BRINP3: variants seen among roughly 807,000 people sequenced by gnomAD.
The protein encoded by BRINP3 is BMP/retinoic acid inducible neural specific 3.
In BRINP3, 19 loss-of-function variants were observed where a neutral mutation model predicts 71.0. The ratio of observed to expected loss-of-function variants is 0.27; its 90% CI spans 0.19 to 0.39. BRINP3 has a LOEUF of 0.39. BRINP3 is among the 10% of genes least tolerant of loss of function. BRINP3 has a pLI of 1.00. For missense variants in BRINP3, 959 were observed against 940.8 expected (o/e 1.02, Z -0.25); for synonymous variants, 380 against 337.7 (o/e 1.13, Z -1.37).
At chr1:190,176,804 T>A (rs1652547268) in intron 6 of BRINP3, among the ~76,000 whole-genome samples, 1 of 152,154 alleles carries the variant, frequency 6.6e-6, no homozygotes, top group Non-Finnish European at 1.5e-5. Context: ...TTTCTCATTC[T>A]TACTTTTGCT....
In BRINP3 at chr1:190,345,715, G is replaced by GAAAAAA. The variant is rs10664849; in HGVS notation, c.237-63971_237-63966dup. On this transcript the variant is annotated intron_variant, in intron 2 of 7. Coordinates refer to ENST00000367462, the MANE Select transcript of BRINP3 (RefSeq NM_199051.3). Reference sequence around the variant, plus strand: ...ACAACCAAATAGCCATTTACCTTCAGAAAAAAAAAAAAAAAAAGAACACTT... The same window carrying GAAAAAA: ...ACAACCAAATAGCCATTTACCTTCAGAAAAAAAAAAAAAAAAAAAAAAAGAACACTT... Among the ~76,000 whole-genome samples, 6 of 103,624 alleles carry GAAAAAA rather than the reference G, an allele frequency of 5.8e-5. No homozygotes were observed. In the East Asian group the frequency reaches 8.4e-4, roughly 14 times the overall value. The allele number at this position is 103,624 out of a possible 152,430, so 68.0% of individuals were successfully genotyped here.
intron 2 of BRINP3, among the ~76,000 whole-genome samples, chr1:190,448,555 T>A (rs1675391234): frequency 6.6e-6 from 1 of 151,674 alleles, no homozygotes; most frequent in African/African-American, 2.4e-5. Context: ...GTTATGTTTT[T>A]TTAATTTCTC....
intron 2 of BRINP3, among the ~76,000 whole-genome samples, chr1:190,425,053 G>T (rs1280059638): frequency 6.6e-6 from 1 of 151,422 alleles, no homozygotes; most frequent in African/African-American, 2.4e-5. Context: ...AACACAAAGA[G>T]AACTGACACT....
At position 190,258,916 on chromosome 1, in the gene BRINP3, A is replaced by C. The variant is rs924689444; in HGVS notation, c.618+5949T>G. ...CACTTGGGGTGGCCAAAGTTGGAGG[A>C]TCTCTTAAGCCCCTTAAGTTCTTGA... On this transcript the variant is annotated intron_variant, in intron 4 of 7. Coordinates refer to ENST00000367462, the MANE Select transcript of BRINP3 (RefSeq NM_199051.3). 1.1e-3 allele frequency among the ~76,000 whole-genome samples: 162 copies of C among 152,208 alleles called. 1 individual carries two copies. The highest frequency in any genetic ancestry group is 3.9e-3 in the African/African-American group (160 of 41,534).
At chr1:190,286,651 T>G (rs1663447484) in intron 2 of BRINP3, among the ~76,000 whole-genome samples, 1 of 152,188 alleles carries the variant, frequency 6.6e-6, no homozygotes, top group African/African-American at 2.4e-5. Context: ...TACATTACTT[T>G]TCACATTACT....
intron 2 of BRINP3, among the ~76,000 whole-genome samples, chr1:190,291,571 C>T (rs1241048678): frequency 6.6e-6 from 1 of 152,058 alleles, no homozygotes; most frequent in Non-Finnish European, 1.5e-5. Flanking sequence ...CATCACTAAT[C>T]ATCAGGGAAA....
At chr1:190,278,647 T>G (rs901332093) in intron 3 of BRINP3, among the ~76,000 whole-genome samples, 1 of 151,534 alleles carries the variant, frequency 6.6e-6, no homozygotes, top group African/African-American at 2.4e-5. Flanking sequence ...GAAAAATAAT[T>G]CCAGCACAAA....
In BRINP3 at chr1:190,281,757, A is replaced by C. The variant is rs1282873033; in HGVS notation, c.237-7T>G. 6.2e-7 allele frequency: 1 copy of C among 1,600,830 alleles called. No homozygotes were observed. Among genetic ancestry groups the C allele is most frequent in the South Asian group, 1.1e-5 (1 of 89,260 alleles). On this transcript the variant is annotated splice_region_variant and splice_polypyrimidine_tract_variant and intron_variant, in intron 2 of 7. Transcript: ENST00000367462. Reference sequence around the variant, plus strand: ...TTTCCAGCGGCCAAACTCCCTGAAAAGCAAATTTATTTTTATTCATAAATG... The same window carrying C: ...TTTCCAGCGGCCAAACTCCCTGAAACGCAAATTTATTTTTATTCATAAATG...
chr1:190,301,403 TA>T (rs1278121666), intron 2 of BRINP3, among the ~76,000 whole-genome samples: 2 of 150,756 alleles, frequency 1.3e-5, no homozygotes, highest in African/African-American at 4.9e-5. Context: ...AATAGTGTTA[TA>T]TTTTCACTTC....
rs906657901 is a variant in BRINP3 at position 190,238,047 on chromosome 1, A to G, written c.619-3570T>C. Among the ~76,000 whole-genome samples, 19 of 152,166 alleles carry G rather than the reference A, an allele frequency of 1.2e-4. 1 individual carries two copies. In the East Asian group the frequency reaches 3.5e-3, roughly 28 times the overall value. ...AGGTGGGGGAGTAGTGAAATTTGTT[A>G]CTGATACCTGCATCTTGACAAACTG... On this transcript the variant is annotated intron_variant, in intron 4 of 7. Coordinates refer to ENST00000367462, the MANE Select transcript of BRINP3 (RefSeq NM_199051.3).
chr1:190,172,933 A>C (rs1483280484), intron 6 of BRINP3, among the ~76,000 whole-genome samples: 1 of 152,106 alleles, frequency 6.6e-6, no homozygotes, highest in Non-Finnish European at 1.5e-5. Context: ...AACCTCTCGG[A>C]CCTGTCTGCA....
intron 3 of BRINP3, among the ~76,000 whole-genome samples, chr1:190,266,332 C>A (rs1468646778): frequency 6.6e-6 from 1 of 152,108 alleles, no homozygotes; most frequent in Non-Finnish European, 1.5e-5. Context: ...TAAGTAAGAG[C>A]TCTTACATGT....
chr1:190,435,890 C>T (rs1674423651), intron 2 of BRINP3, among the ~76,000 whole-genome samples: 1 of 151,952 alleles, frequency 6.6e-6, no homozygotes, highest in African/African-American at 2.4e-5. Context: ...ATGGAGGCTG[C>T]ACTTCCCATA....
chr1:190,460,086 C>T (rs529697554), intron 1 of BRINP3, among the ~76,000 whole-genome samples: 1 of 151,828 alleles, frequency 6.6e-6, no homozygotes, highest in Non-Finnish European at 1.5e-5. Flanking sequence ...AAAATAGTTT[C>T]TTAACATTAA....
chr1:190,153,943 C>T (rs1303909277), intron 7 of BRINP3: 1 of 344,088 alleles, frequency 2.9e-6, no homozygotes, highest in Non-Finnish European at 4.1e-6. Flanking sequence ...TAATATAACT[C>T]AAATAACAGT....
At chr1:190,409,501 T>C (rs1448009531) in intron 2 of BRINP3, among the ~76,000 whole-genome samples, 6 of 152,140 alleles carry the variant, frequency 3.9e-5, no homozygotes, top group African/African-American at 1.4e-4. Context: ...ATTTTACACA[T>C]CTAACAAATT....
At chr1:190,453,548 A>G (rs1345982165) in intron 2 of BRINP3, among the ~76,000 whole-genome samples, 1 of 151,916 alleles carries the variant, frequency 6.6e-6, no homozygotes. Context: ...AAATAGAGTA[A>G]ATCTTTTCAT....
At chr1:190,254,820 G>T (rs1660497798) in intron 4 of BRINP3, among the ~76,000 whole-genome samples, 1 of 152,170 alleles carries the variant, frequency 6.6e-6, no homozygotes, top group East Asian at 1.9e-4. Context: ...TTGAATAGGA[G>T]CAGTGAGAGA....
chr1:190,282,074 C>CT (rs1170948111), intron 2 of BRINP3, among the ~76,000 whole-genome samples: 1 of 151,554 alleles, frequency 6.6e-6, no homozygotes, highest in East Asian at 1.9e-4. Flanking sequence ...AACAAAACAA[C>CT]TTAAGGGCAA....
Sources: gnomAD v4.1 joint callset for allele counts (sites outside exome capture counted in the v4.1 genomes callset) on GRCh38, gnomAD v4.1.1 for gene constraint, MANE v1.5 for transcripts, NCBI Gene and HGNC (gene_info 2026-07-23, HGNC 2026-07-21) for gene names.